The following B4GALNT3 variants were observed in gnomAD, a reference collection of about 807,000 sequenced individuals.
B4GALNT3 encodes beta-1,4-N-acetyl-galactosaminyltransferase 3.
Under a neutral mutation model 120.2 loss-of-function variants are expected in B4GALNT3, and 86 were observed. The ratio of observed to expected loss-of-function variants is 0.72; its 90% confidence interval spans 0.60 to 0.86. The LOEUF (loss-of-function observed/expected upper bound fraction) is 0.86, where lower values mean the gene tolerates loss of function less well. Among genes scored for constraint, B4GALNT3 ranks in the 40% least tolerant of loss-of-function variants. B4GALNT3 has a pLI of 0.00. For missense variants in B4GALNT3, 1,167 were observed against 1,298.9 expected (o/e 0.90, Z 1.56); for synonymous variants, 518 against 510.4 (o/e 1.01, Z -0.20).
chr12:528,880 T>C (rs1387728746), intron 1 of B4GALNT3, among the ~76,000 whole-genome samples: 2 of 152,236 alleles, frequency 1.3e-5, no homozygotes, highest in Non-Finnish European at 2.9e-5. Context: ...TGCTCTCTAG[T>C]GGGAGAAGGG....
intron 1 of B4GALNT3, among the ~76,000 whole-genome samples, chr12:463,162 C>T (rs1048767918): frequency 9.2e-5 from 14 of 152,224 alleles, no homozygotes; most frequent in African/African-American, 3.4e-4. Flanking sequence ...GAAGGCCAGC[C>T]CCCATTACCA....
chr12:475,360 C>G (rs983117651), intron 1 of B4GALNT3, among the ~76,000 whole-genome samples: 1 of 152,204 alleles, frequency 6.6e-6, no homozygotes, highest in African/African-American at 2.4e-5. Flanking sequence ...TCTCCTTGCT[C>G]TAGTTGCAGG....
chr12:482,183 A>G (rs1446023454), intron 1 of B4GALNT3, among the ~76,000 whole-genome samples: 1 of 152,210 alleles, frequency 6.6e-6, no homozygotes, highest in African/African-American at 2.4e-5. Flanking sequence ...GCCAGCCCTC[A>G]GATTCTGCTG....
chr12:559,185 C>CT, intron 18 of B4GALNT3, 110 bp from the exon 19 acceptor site: 1 of 1,449,200 alleles, frequency 6.9e-7, no homozygotes, highest in Non-Finnish European at 9.5e-7. Flanking sequence ...CCTCCCTCAA[C>CT]CCCAGCCTCT....
intron 1 of B4GALNT3, among the ~76,000 whole-genome samples, chr12:490,380 C>T (rs543914185): frequency 1.3e-5 from 2 of 152,052 alleles, no homozygotes; most frequent in African/African-American, 4.8e-5. Context: ...AAACAAATTA[C>T]TAATGTCACA....
chr12:510,361 C>A (rs1946533842), intron 1 of B4GALNT3, among the ~76,000 whole-genome samples: 1 of 151,928 alleles, frequency 6.6e-6, no homozygotes, highest in Admixed American at 6.6e-5. Flanking sequence ...GGGGGTGTGG[C>A]CTTCCTTGGG....
chr12:516,233 A>G (rs1946654260), intron 1 of B4GALNT3, among the ~76,000 whole-genome samples: 1 of 152,254 alleles, frequency 6.6e-6, no homozygotes, highest in African/African-American at 2.4e-5. Flanking sequence ...ACATGCACAC[A>G]TAATATGTCA....
At chr12:493,006 A>G (rs1946357256) in intron 1 of B4GALNT3, among the ~76,000 whole-genome samples, 2 of 152,216 alleles carry the variant, frequency 1.3e-5, no homozygotes, top group Admixed American at 6.5e-5. Context: ...CACATAGGAG[A>G]AAACCTAGGT....
intron 1 of B4GALNT3, among the ~76,000 whole-genome samples, chr12:501,265 C>T (rs1258468438): frequency 6.6e-6 from 1 of 152,164 alleles, no homozygotes; most frequent in African/African-American, 2.4e-5. Flanking sequence ...GGTCTTTCCT[C>T]CATAAAAAGG....
intron 6 of B4GALNT3, among the ~76,000 whole-genome samples, chr12:546,305 A>G: frequency 6.7e-6 from 1 of 148,718 alleles, no homozygotes; most frequent in Admixed American, 6.7e-5. Context: ...GACAGGGAGG[A>G]GTGGGGAGCG....
At chr12:515,299 G>C (rs1178285212) in intron 1 of B4GALNT3, among the ~76,000 whole-genome samples, 1 of 151,964 alleles carries the variant, frequency 6.6e-6, no homozygotes, top group African/African-American at 2.4e-5. Context: ...CGGTTCTCCT[G>C]CCTCAGCCTC....
In B4GALNT3 at chr12:556,758, C is replaced by T; in HGVS notation, c.2272C>T (p.His758Tyr). The T allele has an allele frequency of 6.2e-7, 1 of 1,612,790 alleles. No homozygotes were observed. Among genetic ancestry groups the T allele is most frequent in the Non-Finnish European group, 8.5e-7 (1 of 1,179,138 alleles). ...CCTGCAAGGCCTGGTCTGGGACCCA[C>T]ACAACCGTAGGAGACAGGTCCTGAA... ...RNLQGLVWDP[H>Y]NRRRQVLNTR... The change falls in exon 15 of 20, where the codon CAC (histidine) becomes TAC (tyrosine). Residue 758 changes from histidine to tyrosine, a missense_variant. By Grantham distance (83) the His-to-Tyr change is moderately conservative. Around this residue, in one of 3 missense-constraint regions of B4GALNT3, gnomAD observed 983 missense variants for 1,102.5 expected, o/e 0.89. Transcript: ENST00000266383.
Position 553,198 on chromosome 12 carries a change from T to A in B4GALNT3, c.1275T>A (p.Phe425Leu). Reference protein sequence around the residue: ...PEKQGLEQPGFEENLLEESQY... With the variant: ...PEKQGLEQPGLEENLLEESQY... ...AATGGTTGTTATTAATAGCAGGTTT[T>A]GAGGAAAACCTTCTAGAAGAGTCCC... Residue 425 changes from phenylalanine (F) to leucine (L), a missense_variant, in exon 14 of 20, where the codon TTT becomes TTA. Transcript: ENST00000266383. The A allele has an allele frequency of 6.2e-7, 1 of 1,609,764 alleles. No homozygotes were observed. Among genetic ancestry groups the A allele is most frequent in the Non-Finnish European group, 8.5e-7 (1 of 1,177,070 alleles).
At chr12:479,006 C>T (rs1014269984) in intron 1 of B4GALNT3, among the ~76,000 whole-genome samples, 1 of 152,148 alleles carries the variant, frequency 6.6e-6, no homozygotes, top group African/African-American at 2.4e-5. Flanking sequence ...TTACAGCCTC[C>T]TTTATAGAGA....
At chr12:544,481 C>T in intron 4 of B4GALNT3, 47 bp downstream of exon 4, 1 of 1,490,674 alleles carries the variant, frequency 6.7e-7, no homozygotes, top group East Asian at 2.3e-5. Flanking sequence ...ACACCTGCCT[C>T]CTCTGCCCAC....
At chr12:505,970 C>T (rs1946493398) in intron 1 of B4GALNT3, among the ~76,000 whole-genome samples, 1 of 152,178 alleles carries the variant, frequency 6.6e-6, no homozygotes, top group African/African-American at 2.4e-5. Flanking sequence ...TAGATCTGAG[C>T]CAGGTAAGCA....
Position 561,415 on chromosome 12 carries a change from A to C in B4GALNT3, c.2961A>C (p.Arg987=). Residue 987 remains arginine (R), a synonymous_variant, in exon 20 of 20, where the codon CGA becomes CGC. Transcript: ENST00000266383. ...TCTTCCATCATTTCCATTCCAAGCG[A>C]GGCATGTGGAGCCGTCGCCAGATGA... is the stretch of plus-strand genomic sequence containing the variant. ...RNFFHHFHSK[R]GMWSRRQMKT... is the part of the protein sequence containing the mutation. 1 of 1,613,782 alleles carries C rather than the reference A, an allele frequency of 6.2e-7. No homozygotes were observed. Among genetic ancestry groups the C allele is most frequent in the South Asian group, 1.1e-5 (1 of 91,082 alleles).
chr12:552,629 C>A, intron 13 of B4GALNT3, 101 bp downstream of exon 13: 1 of 1,160,792 alleles, frequency 8.6e-7, no homozygotes, highest in Non-Finnish European at 1.2e-6. Flanking sequence ...CCCTGAGGAG[C>A]TCAAGATCCA....
intron 14 of B4GALNT3, among the ~76,000 whole-genome samples, chr12:554,592 C>G (rs917139201): frequency 1.3e-5 from 2 of 150,448 alleles, no homozygotes; most frequent in South Asian, 2.1e-4. Flanking sequence ...AGATCGAGAC[C>G]ATCCTGGCTA....
Sources: allele counts gnomAD v4.1 joint callset (sites outside exome capture counted in the v4.1 genomes callset), GRCh38; gene constraint gnomAD v4.1.1; regional missense constraint gnomAD v4.1.1; transcripts MANE v1.5; gene names NCBI Gene and HGNC (gene_info 2026-07-23, HGNC 2026-07-21).